ZNF24: variants seen among roughly 807,000 people sequenced by gnomAD.
ZNF24 encodes retinoic acid suppression protein A.
A neutral mutation model predicts 40.9 loss-of-function variants in ZNF24; 11 were observed. The ratio of observed to expected loss-of-function variants is 0.27; its 90% CI spans 0.17 to 0.45. The LOEUF (loss-of-function observed/expected upper bound fraction) is 0.45. Among genes scored for constraint, ZNF24 ranks in the 20% least tolerant of loss-of-function variants. The probability of loss-of-function intolerance (pLI) is 1.00; values close to 1 mark genes in which losing one functional copy is unlikely to be tolerated. For synonymous variants in ZNF24, 139 were observed against 154.7 expected (o/e 0.90, Z 0.75); for missense variants, 293 against 437.7 (o/e 0.67, Z 2.95).
chr18:35,337,621 C>T lies in ZNF24; in HGVS notation c.718G>A (p.Glu240Lys), dbSNP rs945009926. 1 of 1,613,958 alleles carries T rather than the reference C, an allele frequency of 6.2e-7. No individual in the cohort carries two copies. Among genetic ancestry groups the T allele is most frequent in the African/African-American group, 1.3e-5 (1 of 74,896 alleles). The stretch of plus-strand genomic sequence containing the variant: ...TTTCGAGAGGGATTTCTCTTTCTTT[C>T]AAACCTGCCCTTGGGGAAACAGGTT... The part of the protein sequence containing the change: ...GETCFPKGRF[E>K]RKRNPSRKKQ... The change falls in exon 4 of 4, where the codon GAA becomes AAA. Residue 240 changes from glutamate (E) to lysine (K), a missense_variant. Glu to Lys is a moderately conservative substitution (Grantham distance 56, BLOSUM62 1). Transcript: ENST00000261332.
rs1442236848 is a variant in ZNF24, at chr18:35,338,764, G to C, written c.569-994C>G. On this transcript the variant is annotated intron_variant, in intron 3 of 3. Transcript: ENST00000261332. The stretch of plus-strand genomic sequence containing the variant: ...TTAAGTGGAGACAAACGGCACACAG[G>C]AAACAGAAATTCCCAAGTGTGGAAG... 4.9e-5 allele frequency: 61 copies of C among 1,253,942 alleles called. No individual in the cohort carries two copies. In the East Asian group the frequency reaches 2.1e-3, roughly 43 times the overall value. 77.7% of individuals were successfully genotyped at this position (1,253,942 alleles called of 1,614,324 possible). A position where few individuals can be genotyped will look rare whatever the true frequency, so the allele number is the denominator to read the frequency against.
rs1459592058 is a variant in ZNF24 at position 35,337,266 on chromosome 18, TTG to T, written c.1071_1072del (p.His357GlnfsTer15). On this transcript the variant is annotated frameshift_variant, in exon 4 of 4. Coordinates refer to ENST00000261332, the MANE Select transcript of ZNF24 (RefSeq NM_006965.4). LOFTEE classifies it high-confidence loss of function. ...CACAACATTCAGAAGTTTTTCTGCA[TTG>T]TGTCTTCTCTGATGTCTAAAAAGAT... is the stretch of plus-strand genomic sequence containing the variant. The T allele has an allele frequency of 1.3e-6, 2 of 1,495,586 alleles. No individual in the cohort carries two copies. The highest frequency in any genetic ancestry group is 1.8e-6 in the Non-Finnish European group (2 of 1,115,800). The allele number at this position is 1,495,586 out of a possible 1,614,324, so 92.6% of individuals were successfully genotyped here.
chr18:35,337,746 C>T lies in ZNF24; in HGVS notation c.593G>A (p.Gly198Glu). ...HCDDDGRTEN[G>E]ALAPKQELPS... ...AAGCTCCTGCTTTGGAGCTAGTGCT[C>T]CATTTTCAGTCCTACCATCATCATC... Residue 198 changes from glycine (G) to glutamate (E), a missense_variant, in exon 4 of 4, where the codon GGA (glycine) becomes GAA (glutamate). Physicochemically the swap from Gly to Glu is moderately conservative, Grantham distance 98 (BLOSUM62 -2). Transcript: ENST00000261332. The T allele has an allele frequency of 6.3e-7, 1 of 1,593,402 alleles. No homozygotes were observed. The highest frequency in any genetic ancestry group is 8.5e-7 in the Non-Finnish European group (1 of 1,172,150).
At chr18:35,342,460 T>A (rs2044978388) in intron 1 of ZNF24, 1 of 152,170 alleles carries the variant, frequency 6.6e-6, no homozygotes, top group Non-Finnish European at 1.5e-5. Context: ...GCCTCCAAAT[T>A]CACCACTCAC....
At position 35,337,557 on chromosome 18, in the gene ZNF24, CTGAAG is replaced by C; in HGVS notation, c.777_781del (p.His259GlnfsTer23). On this transcript the variant is annotated frameshift_variant, in exon 4 of 4. Coordinates refer to ENST00000261332, the MANE Select transcript of ZNF24 (RefSeq NM_006965.4). LOFTEE classifies it high-confidence loss of function. ...ATGAAGAATAAGGGCTGAGCCCTGA[CTGAAG>C]TGTTTTCCACATTCATCACATATAT... is the stretch of plus-strand genomic sequence containing the variant. 6.2e-7 allele frequency: 1 copy of C among 1,614,184 alleles called. No homozygotes were observed. The highest frequency in any genetic ancestry group is 8.5e-7 in the Non-Finnish European group (1 of 1,179,994).
In ZNF24 at chr18:35,336,991, A is replaced by C. The variant is rs1343558814; in HGVS notation, c.*241T>G. The stretch of plus-strand genomic sequence containing the variant: ...AGAAGTAATACAGACTATAAACATC[A>C]CATGGAAAATTTAGGCATTAAGACC... On this transcript the variant is annotated 3_prime_UTR_variant, in exon 4 of 4. Transcript: ENST00000261332. 2.6e-6 allele frequency: 1 copy of C among 378,940 alleles called. No individual in the cohort carries two copies. The highest frequency in any genetic ancestry group is 4.7e-6 in the Non-Finnish European group (1 of 212,768). 23.5% of individuals were successfully genotyped at this position (378,940 alleles called of 1,614,324 possible). A position where few individuals can be genotyped will look rare whatever the true frequency, so the allele number is the denominator to read the frequency against.
rs536751656 is a variant in ZNF24 at position 35,333,782 on chromosome 18, C to T, written c.*3450G>A. On this transcript the variant is annotated 3_prime_UTR_variant, in exon 4 of 4. Transcript: ENST00000261332. ...GTTATTCATCCTACAGAAATACCCA[C>T]ACAAGTAGCAAAATACATGTACAGG... The T allele has an allele frequency of 6.6e-6, 1 of 152,268 alleles. No homozygotes were observed. Among genetic ancestry groups the T allele is most frequent in the South Asian group, 2.1e-4 (1 of 4,830 alleles). The allele number at this position is 152,268 out of a possible 1,614,324, so 9.4% of individuals were successfully genotyped here.
rs953773939 is a variant in ZNF24 at position 35,335,750 on chromosome 18, T to C, written c.*1482A>G. On this transcript the variant is annotated 3_prime_UTR_variant, in exon 4 of 4. Transcript: ENST00000261332. ...TATTACTTTAATACATTTTAAAAAA[T>C]GTGTTAAGACTGAAAATTAAAAAAA... 2 of 152,140 alleles carry C rather than the reference T, an allele frequency of 1.3e-5. No individual in the cohort carries two copies. The highest frequency in any genetic ancestry group is 2.9e-5 in the Non-Finnish European group (2 of 68,016). 9.4% of individuals were successfully genotyped at this position (152,140 alleles called of 1,614,324 possible).
rs767608655 is a variant in ZNF24 at position 35,337,322 on chromosome 18, C to T, written c.1017G>A (p.Gln339=). 25 of 1,612,828 alleles carry T rather than the reference C, an allele frequency of 1.6e-5. No homozygotes were observed. The highest frequency in any genetic ancestry group is 2.0e-5 in the Non-Finnish European group (23 of 1,179,294). The part of the protein sequence containing the change: ...HTGEKPYECV[Q]CGKSYSQSSN... Reference sequence around the variant, plus strand: ...AGCTTTGACTATACGATTTCCCACACTGAACGCATTCATAAGGTTTCTCCC... The same window carrying T: ...AGCTTTGACTATACGATTTCCCACATTGAACGCATTCATAAGGTTTCTCCC... Residue 339 remains glutamine, a synonymous_variant, in exon 4 of 4, where the codon CAG becomes CAA. Coordinates refer to ENST00000261332, the MANE Select transcript of ZNF24 (RefSeq NM_006965.4).
At chr18:35,339,024 T>A in intron 3 of ZNF24, 1 of 1,535,950 alleles carries the variant, frequency 6.5e-7, no homozygotes, top group East Asian at 2.4e-5. Flanking sequence ...TGCTCAGACC[T>A]CATTCAGTGG....
At chr18:35,338,990 G>A in intron 3 of ZNF24, 1 of 1,532,734 alleles carries the variant, frequency 6.5e-7, no homozygotes, top group Non-Finnish European at 8.7e-7. Context: ...GGCTGGCACT[G>A]TCCCCTCAGA....
chr18:35,337,240 T>A lies in ZNF24; in HGVS notation c.1099A>T (p.Lys367Ter). The change falls in exon 4 of 4, where the codon AAA becomes TAA. Residue 367 changes from lysine (K) to a stop codon, truncating the protein, a stop_gained. Transcript: ENST00000261332. LOFTEE classifies it high-confidence loss of function. ...TTTTTTTTTTCAATTTCTTAAACTT[T>A]CACAACATTCAGAAGTTTTTCTGCA... ...HNAEKLLNVV[K>*]V 7.0e-7 allele frequency: 1 copy of A among 1,427,630 alleles called. No individual in the cohort carries two copies. Among genetic ancestry groups the A allele is most frequent in the Non-Finnish European group, 9.2e-7 (1 of 1,081,292 alleles). The allele number at this position is 1,427,630 out of a possible 1,614,324, so 88.4% of individuals were successfully genotyped here.
In ZNF24 at chr18:35,336,947, C is replaced by T. The variant is rs796956654; in HGVS notation, c.*285G>A. On this transcript the variant is annotated 3_prime_UTR_variant, in exon 4 of 4. Transcript: ENST00000261332. Reference sequence around the variant, plus strand: ...AACTTTCAAGAAAGGGACAATGAATCAGGTAGTTCATTATTTGGAGAAGTA... The same window carrying T: ...AACTTTCAAGAAAGGGACAATGAATTAGGTAGTTCATTATTTGGAGAAGTA... 14 of 284,022 alleles carry T rather than the reference C, an allele frequency of 4.9e-5. No homozygotes were observed. The highest frequency in any genetic ancestry group is 2.6e-4 in the African/African-American group (12 of 46,158). 17.6% of individuals were successfully genotyped at this position (284,022 alleles called of 1,614,324 possible). A position where few individuals can be genotyped will look rare whatever the true frequency, so the allele number is the denominator to read the frequency against.
At chr18:35,338,793 C>T in intron 3 of ZNF24, 5 of 1,331,806 alleles carry the variant, frequency 3.8e-6, no homozygotes, top group Non-Finnish European at 4.8e-6. Flanking sequence ...GTGGAAGAGA[C>T]TAGACAGCTG....
chr18:35,338,408 G>T (rs980847891), intron 3 of ZNF24: 38 of 985,246 alleles, frequency 3.9e-5, no homozygotes, highest in Non-Finnish European at 4.6e-5. Context: ...CTCCCATGTG[G>T]TATTTGTCAT....
At position 35,335,610 on chromosome 18, in the gene ZNF24, T is replaced by TA. The variant is rs1569101290; in HGVS notation, c.*1621dup. On this transcript the variant is annotated 3_prime_UTR_variant, in exon 4 of 4. Transcript: ENST00000261332. ...ATTTTCCACACAATGATGCCCATTATAAAAAAGCCTCCTCTCATATTCTAT... is the reference window on the plus strand; with the variant it reads ...ATTTTCCACACAATGATGCCCATTATAAAAAAAGCCTCCTCTCATATTCTAT... 1 of 152,184 alleles carries TA rather than the reference T, an allele frequency of 6.6e-6. No homozygotes were observed. The highest frequency in any genetic ancestry group is 6.5e-5 in the Admixed American group (1 of 15,274). The allele number at this position is 152,184 out of a possible 1,614,324, so 9.4% of individuals were successfully genotyped here.
rs2096187025 is a variant in ZNF24 at position 35,340,587 on chromosome 18, T to C, written c.64A>G (p.Lys22Glu). Residue 22 changes from lysine (K) to glutamate (E), a missense_variant, in exon 2 of 4, where the codon AAA (lysine) becomes GAA (glutamate). Transcript: ENST00000261332. This position sits in a 1 kb window ranked among gnomAD's most constrained non-coding sequence, Gnocchi z 4.6. ...TCCTCCAACTTCACTCTCAGAATTT[T>C]TTCCTCTTCATCTGGAGTTGGGATG... Reference protein sequence around the residue: ...LIIPTPDEEEKILRVKLEEDP... With the variant: ...LIIPTPDEEEEILRVKLEEDP... 2.5e-6 allele frequency: 4 copies of C among 1,614,222 alleles called. No homozygotes were observed. Among genetic ancestry groups the C allele is most frequent in the Non-Finnish European group, 3.4e-6 (4 of 1,180,048 alleles).
rs1050232384 is a variant in ZNF24, at chr18:35,332,945, GTTCT to G, written c.*4283_*4286del. The G allele has an allele frequency of 3.9e-5, 6 of 152,020 alleles. No individual in the cohort carries two copies. The highest frequency in any genetic ancestry group is 1.3e-4 in the Admixed American group (2 of 15,268). The allele number at this position is 152,020 out of a possible 1,614,324, so 9.4% of individuals were successfully genotyped here. A position where few individuals can be genotyped will look rare whatever the true frequency, so the allele number is the denominator to read the frequency against. ...TCAGGGAAATGCAAAATAAGAAAAG[GTTCT>G]TTTTCGCCCAACAGATAAAAACTAT... On this transcript the variant is annotated 3_prime_UTR_variant, in exon 4 of 4. Coordinates refer to ENST00000261332, the MANE Select transcript of ZNF24 (RefSeq NM_006965.4).
At chr18:35,338,868 C>T in intron 3 of ZNF24, 2 of 1,361,260 alleles carry the variant, frequency 1.5e-6, no homozygotes, top group Admixed American at 3.5e-5. Flanking sequence ...AAATATCAGC[C>T]CCATATATCA....
Sources: allele counts gnomAD v4.1 joint callset, GRCh38; gene constraint gnomAD v4.1.1; non-coding constraint Gnocchi (gnomAD v3.1); transcripts MANE v1.5; gene names NCBI Gene and HGNC (gene_info 2026-07-23, HGNC 2026-07-21).